The following FBXL20 variants were observed in gnomAD, a reference collection of about 807,000 sequenced individuals.
FBXL20 encodes F-box/LRR-repeat protein 20.
A neutral mutation model predicts 64.0 loss-of-function variants in FBXL20; 11 were observed. The ratio of observed to expected loss-of-function variants is 0.17; its 90% CI spans 0.11 to 0.28. FBXL20 has a LOEUF of 0.28. FBXL20 is among the 10% of genes least tolerant of loss of function. FBXL20 has a pLI of 1.00. For missense variants in FBXL20, 303 were observed against 526.2 expected (o/e 0.58, Z 4.15); for synonymous variants, 184 against 189.0 (o/e 0.97, Z 0.22).
intron 2 of FBXL20, among the ~76,000 whole-genome samples, chr17:39,316,765 G>C (rs8079355): frequency 3.3e-5 from 5 of 152,074 alleles, no homozygotes. Context: ...GCGGGGGTGG[G>C]CCACCTGAGG....
At chr17:39,364,967 A>G (rs2047844861) in intron 1 of FBXL20, among the ~76,000 whole-genome samples, 1 of 152,220 alleles carries the variant, frequency 6.6e-6, no homozygotes, top group Non-Finnish European at 1.5e-5. Flanking sequence ...AAATACTACA[A>G]AAACAGGTTC....
At chr17:39,351,576 C>A (rs1280736830) in intron 1 of FBXL20, among the ~76,000 whole-genome samples, 1 of 152,090 alleles carries the variant, frequency 6.6e-6, no homozygotes, top group Non-Finnish European at 1.5e-5. Context: ...AAGGCTATAA[C>A]AAATTACAAC....
chr17:39,281,561 G>A, intron 8 of FBXL20, 98 bp from the exon 9 acceptor site: 3 of 934,088 alleles, frequency 3.2e-6, no homozygotes, highest in East Asian at 5.3e-5. Context: ...TTCTAATACA[G>A]CCAACCAAGT....
At chr17:39,296,559 CAAAAAAAAAAA>C (rs60002793) in intron 6 of FBXL20, among the ~76,000 whole-genome samples, 6 of 62,162 alleles carry the variant, frequency 9.7e-5, no homozygotes, top group Non-Finnish European at 1.0e-4. Context: ...GACTCTGTCT[CAAAAAAAAAAA>C]AAAAAAAAAA....
intron 1 of FBXL20, among the ~76,000 whole-genome samples, chr17:39,377,603 C>G (rs1029865470): frequency 2.0e-5 from 3 of 151,776 alleles, no homozygotes; most frequent in African/African-American, 7.3e-5. Context: ...CAGGTTCATG[C>G]CATTCTCCTG....
intron 7 of FBXL20, among the ~76,000 whole-genome samples, chr17:39,283,693 GT>G (rs61513063): frequency 0.1 from 15,617 of 152,132 alleles, 857 homozygotes; most frequent in African/African-American, 0.15. Context: ...TATCTGAGAT[GT>G]TTCTAGAGTA....
At chr17:39,307,879 G>A (rs117948258) in intron 2 of FBXL20, among the ~76,000 whole-genome samples, 2,059 of 151,346 alleles carry the variant, frequency 0.014, 22 homozygotes, top group Non-Finnish European at 0.022. Flanking sequence ...GCTGAGGCAG[G>A]AGAATCGCTA....
At chr17:39,351,635 T>C (rs978136738) in intron 1 of FBXL20, among the ~76,000 whole-genome samples, 8 of 152,306 alleles carry the variant, frequency 5.3e-5, no homozygotes, top group Non-Finnish European at 8.8e-5. Flanking sequence ...AAATAACTAT[T>C]CAAATGTTTA....
chr17:39,256,454 C>T lies in FBXL20; in HGVS notation c.*5006G>A, dbSNP rs185673092. ...GGAGAGAGGTTCTGTCTCAAGAATT[C>T]CAACCAAACATCCTACATTTCTTCT... On this transcript the variant is annotated 3_prime_UTR_variant, in exon 15 of 15. Coordinates refer to ENST00000264658, the MANE Select transcript of FBXL20 (RefSeq NM_032875.3). 8.9e-4 allele frequency: 135 copies of T among 152,160 alleles called. No homozygotes were observed. Among genetic ancestry groups the T allele is most frequent in the African/African-American group, 3.0e-3 (126 of 41,516 alleles). The allele number at this position is 152,160 out of a possible 1,614,324, so 9.4% of individuals were successfully genotyped here.
At chr17:39,368,930 C>T (rs1012020924) in intron 1 of FBXL20, among the ~76,000 whole-genome samples, 1 of 152,120 alleles carries the variant, frequency 6.6e-6, no homozygotes, top group Non-Finnish European at 1.5e-5. Context: ...GCTCGGATTA[C>T]AGGCATGAGC....
intron 6 of FBXL20, among the ~76,000 whole-genome samples, chr17:39,294,994 T>C (rs1567867589): frequency 6.6e-6 from 1 of 152,168 alleles, no homozygotes; most frequent in Non-Finnish European, 1.5e-5. Context: ...AATGCACTCA[T>C]ATGAGAGACT....
At chr17:39,322,163 CAAAA>C (rs761771926) in intron 2 of FBXL20, among the ~76,000 whole-genome samples, 2,868 of 52,138 alleles carry the variant, frequency 0.055, 17 homozygotes, top group Non-Finnish European at 0.085. Context: ...CTATCTCTAC[CAAAA>C]AAAAAAAAAA....
At chr17:39,305,063 T>A (rs1002709911) in intron 2 of FBXL20, among the ~76,000 whole-genome samples, 1 of 152,024 alleles carries the variant, frequency 6.6e-6, no homozygotes, top group African/African-American at 2.4e-5. Context: ...CAGCCCCTGC[T>A]GGGAAGGATC....
chr17:39,315,733 C>T (rs569023393), intron 2 of FBXL20, among the ~76,000 whole-genome samples: 9 of 151,624 alleles, frequency 5.9e-5, no homozygotes, highest in African/African-American at 2.2e-4. Flanking sequence ...CCAAGCAGGA[C>T]TTTGTCCGTG....
intron 2 of FBXL20, among the ~76,000 whole-genome samples, chr17:39,334,282 AAG>A (rs2047497827): frequency 6.6e-6 from 1 of 152,120 alleles, no homozygotes; most frequent in South Asian, 2.1e-4. Context: ...CATGCTTGTT[AAG>A]AGTCATCACC....
chr17:39,350,309 G>A (rs887076214), intron 1 of FBXL20, among the ~76,000 whole-genome samples: 1 of 152,050 alleles, frequency 6.6e-6, no homozygotes, highest in African/African-American at 2.4e-5. Context: ...GACCAACATG[G>A]AGAAACCCCA....
chr17:39,362,319 G>A lies in FBXL20; in HGVS notation c.43-19078C>T, dbSNP rs150997126. On this transcript the variant is annotated intron_variant, in intron 1 of 14. Coordinates refer to ENST00000264658, the MANE Select transcript of FBXL20 (RefSeq NM_032875.3). ...AAAAAAAAAGAAAAATGCTTTCTTG[G>A]CCAGGCACAGTGGCTCATACCTGTA... Among the ~76,000 whole-genome samples the A allele has an allele frequency of 6.9e-3, 1,052 of 152,130 alleles. 7 individuals are homozygous for A. Among genetic ancestry groups the A allele is most frequent in the South Asian group, 0.011 (52 of 4,818 alleles).
chr17:39,317,690 T>TG (rs1567877380), intron 2 of FBXL20, among the ~76,000 whole-genome samples: 1 of 55,286 alleles, frequency 1.8e-5, no homozygotes, highest in Non-Finnish European at 3.4e-5. Flanking sequence ...TTTTTTTTTG[T>TG]TTTTTTTTTT....
chr17:39,271,846 A>G (rs1250841789), intron 10 of FBXL20, among the ~76,000 whole-genome samples: 5 of 152,084 alleles, frequency 3.3e-5, no homozygotes, highest in Admixed American at 6.6e-5. Context: ...AAGTTGGGTG[A>G]CCTCTGTAAA....
Sources: allele counts gnomAD v4.1 joint callset (sites outside exome capture counted in the v4.1 genomes callset), GRCh38; gene constraint gnomAD v4.1.1; transcripts MANE v1.5; gene names NCBI Gene and HGNC (gene_info 2026-07-23, HGNC 2026-07-21).